Variants in ARHGAP15 observed in about 807,000 individuals in gnomAD.
ARHGAP15 encodes the protein rho GTPase-activating protein 15.
Under a neutral mutation model 63.7 loss-of-function variants are expected in ARHGAP15, and 51 were observed. That is an observed-to-expected ratio of 0.80 (90% CI 0.64 to 1.01). The LOEUF is 1.01. Among genes scored for constraint, ARHGAP15 ranks in the 50% least tolerant of loss-of-function variants. The probability of loss-of-function intolerance (pLI) is 0.00; values close to 1 mark genes in which losing one functional copy is unlikely to be tolerated. For synonymous variants in ARHGAP15, 191 were observed against 193.8 expected (o/e 0.99, Z 0.12); for missense variants, 560 against 564.6 (o/e 0.99, Z 0.08).
At chr2:143,483,996 G>A (rs1454200944) in intron 8 of ARHGAP15, among the ~76,000 whole-genome samples, 1 of 152,148 alleles carries the variant, frequency 6.6e-6, no homozygotes, top group Non-Finnish European at 1.5e-5. Context: ...GGGAGGATGA[G>A]GCAGGAGGAT....
At chr2:143,413,357 C>T (rs1688526479) in intron 6 of ARHGAP15, among the ~76,000 whole-genome samples, 2 of 152,184 alleles carry the variant, frequency 1.3e-5, no homozygotes, top group Admixed American at 1.3e-4. Flanking sequence ...CATAGTCCTT[C>T]AGGATCCCAA....
intron 6 of ARHGAP15, among the ~76,000 whole-genome samples, chr2:143,363,559 T>C (rs888227206): frequency 6.6e-6 from 1 of 152,198 alleles, no homozygotes; most frequent in Non-Finnish European, 1.5e-5. Context: ...AGTTTTCTTC[T>C]TTCTGTCATT....
intron 12 of ARHGAP15, among the ~76,000 whole-genome samples, chr2:143,659,776 T>C (rs773836438): frequency 5.3e-5 from 8 of 152,240 alleles, no homozygotes; most frequent in Non-Finnish European, 8.8e-5. Context: ...TCAGCTTTCA[T>C]TAGTTCTAGA....
At chr2:143,283,456 C>T (rs890509147) in intron 6 of ARHGAP15, among the ~76,000 whole-genome samples, 2 of 152,106 alleles carry the variant, frequency 1.3e-5, no homozygotes, top group Non-Finnish European at 2.9e-5. Flanking sequence ...AAAATAGCAA[C>T]ATGCATGACT....
intron 12 of ARHGAP15, among the ~76,000 whole-genome samples, chr2:143,636,474 T>C (rs561779564): frequency 6.6e-6 from 1 of 152,104 alleles, no homozygotes; most frequent in South Asian, 2.1e-4. Context: ...CTTCAGAAGC[T>C]CCTGTCTGTA....
At chr2:143,276,427 G>GTTTTT (rs1248532640) in intron 6 of ARHGAP15, among the ~76,000 whole-genome samples, 1 of 152,160 alleles carries the variant, frequency 6.6e-6, no homozygotes, top group East Asian at 1.9e-4. Context: ...TAAACACAGA[G>GTTTTT]GTGGGTTGCC....
intron 10 of ARHGAP15, among the ~76,000 whole-genome samples, chr2:143,535,894 T>G (rs1694732499): frequency 6.6e-6 from 1 of 152,212 alleles, no homozygotes; most frequent in South Asian, 2.1e-4. Context: ...GTTGTATCAA[T>G]GAACATCAGC....
intron 12 of ARHGAP15, among the ~76,000 whole-genome samples, chr2:143,674,797 T>G (rs1050720856): frequency 5.3e-5 from 8 of 152,206 alleles, no homozygotes; most frequent in Non-Finnish European, 1.2e-4. Context: ...TGCTAATGGT[T>G]ATCTGAGACT....
At chr2:143,352,903 T>G (rs1249582597) in intron 6 of ARHGAP15, among the ~76,000 whole-genome samples, 1 of 152,194 alleles carries the variant, frequency 6.6e-6, no homozygotes, top group Non-Finnish European at 1.5e-5. Context: ...TCTTAAAAAG[T>G]GTACAATCTT....
chr2:143,682,014 A>G (rs1381410800), intron 12 of ARHGAP15, among the ~76,000 whole-genome samples: 1 of 152,338 alleles, frequency 6.6e-6, no homozygotes, highest in East Asian at 1.9e-4. Context: ...TGTGATAGGT[A>G]TCTTCAGCAG....
intron 2 of ARHGAP15, among the ~76,000 whole-genome samples, chr2:143,192,157 T>C (rs528194734): frequency 2.0e-5 from 3 of 152,362 alleles, no homozygotes; most frequent in African/African-American, 7.2e-5. Flanking sequence ...TCTTTGGTTT[T>C]GGCCATTGGG....
intron 10 of ARHGAP15, among the ~76,000 whole-genome samples, chr2:143,541,650 C>T (rs992184142): frequency 1.3e-5 from 2 of 152,146 alleles, no homozygotes; most frequent in Non-Finnish European, 2.9e-5. Context: ...CACTCCAGAC[C>T]CTGTTTGCCT....
At chr2:143,557,041 C>A (rs1053334068) in intron 11 of ARHGAP15, among the ~76,000 whole-genome samples, 5 of 152,072 alleles carry the variant, frequency 3.3e-5, no homozygotes, top group Admixed American at 3.3e-4. Context: ...TCATTCATTG[C>A]TGGCGGAAGT....
chr2:143,388,227 T>A (rs1687383103), intron 6 of ARHGAP15, among the ~76,000 whole-genome samples: 1 of 152,180 alleles, frequency 6.6e-6, no homozygotes, highest in Admixed American at 6.5e-5. Flanking sequence ...ACTTATGAAA[T>A]AACAGTGTTC....
intron 12 of ARHGAP15, among the ~76,000 whole-genome samples, chr2:143,663,521 C>A (rs1397430541): frequency 6.8e-6 from 1 of 147,634 alleles, no homozygotes; most frequent in Non-Finnish European, 1.5e-5. Flanking sequence ...TGAGCAAAAT[C>A]ACCAGCTAAC....
intron 1 of ARHGAP15, among the ~76,000 whole-genome samples, chr2:143,141,341 A>C (rs1388570538): frequency 6.6e-6 from 1 of 152,124 alleles, no homozygotes; most frequent in Non-Finnish European, 1.5e-5. Flanking sequence ...TAGGGCATTG[A>C]ATTAATGAGA....
At chr2:143,394,905 G>A (rs1480036749) in intron 6 of ARHGAP15, among the ~76,000 whole-genome samples, 1 of 152,044 alleles carries the variant, frequency 6.6e-6, no homozygotes, top group African/African-American at 2.4e-5. Flanking sequence ...CAAGACTCCA[G>A]CCTGTATCAT....
chr2:143,746,977 A>T (rs1312455870), intron 13 of ARHGAP15, among the ~76,000 whole-genome samples: 5 of 152,164 alleles, frequency 3.3e-5, no homozygotes, highest in East Asian at 3.8e-4. Context: ...CCCTGAATGG[A>T]TGCTATCTGC....
At chr2:143,612,387 G>A (rs1290105861) in intron 11 of ARHGAP15, among the ~76,000 whole-genome samples, 1 of 152,182 alleles carries the variant, frequency 6.6e-6, no homozygotes, top group Admixed American at 6.5e-5. Flanking sequence ...CTCTGTTTCA[G>A]TTAAAACTGA....
Sources: allele counts gnomAD v4.1 joint callset (sites outside exome capture counted in the v4.1 genomes callset), GRCh38; gene constraint gnomAD v4.1.1; transcripts MANE v1.5; gene names NCBI Gene and HGNC (gene_info 2026-07-23, HGNC 2026-07-21).